The following CDC25B variants were observed in gnomAD, a reference collection of about 807,000 sequenced individuals.
The protein encoded by CDC25B is cell division cycle 25B, also known as M-phase inducer phosphatase 2.
A neutral mutation model predicts 69.8 loss-of-function variants in CDC25B; 33 were observed. The ratio of observed to expected loss-of-function variants is 0.47; its 90% CI spans 0.36 to 0.63. CDC25B has a LOEUF of 0.63. Ranked by LOEUF, CDC25B falls within the 30% of genes least tolerant of loss-of-function variation. CDC25B has a pLI of 0.00. For missense variants in CDC25B, 727 were observed against 809.1 expected, an observed-to-expected ratio of 0.90 and a Z score of 1.23; for synonymous variants, 341 against 314.6, an observed-to-expected ratio of 1.08 and a Z score of -0.89.
At position 3,796,453 on chromosome 20, in the gene CDC25B, C is replaced by T; in HGVS notation, c.-79C>T. 1.9e-6 allele frequency: 2 copies of T among 1,027,172 alleles called. No homozygotes were observed. The highest frequency in any genetic ancestry group is 2.4e-6 in the Non-Finnish European group (2 of 821,664). 63.6% of individuals were successfully genotyped at this position (1,027,172 alleles called of 1,614,324 possible). A position where few individuals can be genotyped will look rare whatever the true frequency, so the allele number is the denominator to read the frequency against. Reference sequence around the variant, plus strand: ...CCCACCCCTCGCCCGCTGCCTCCCTCGGCCCAGCCAGCTGTGCCGGCGTTT... The same window carrying T: ...CCCACCCCTCGCCCGCTGCCTCCCTTGGCCCAGCCAGCTGTGCCGGCGTTT... On this transcript the variant is annotated 5_prime_UTR_variant, in exon 1 of 16. Transcript: ENST00000245960.
In CDC25B at chr20:3,805,750, C is replaced by A; in HGVS notation, c.*789C>A. 2 of 404,154 alleles carry A rather than the reference C, an allele frequency of 4.9e-6. No homozygotes were observed. Among genetic ancestry groups the A allele is most frequent in the Non-Finnish European group, 8.8e-6 (2 of 227,846 alleles). The allele number at this position is 404,154 out of a possible 1,614,324, so 25.0% of individuals were successfully genotyped here. On this transcript the variant is annotated 3_prime_UTR_variant, in exon 16 of 16. Coordinates refer to ENST00000245960, the MANE Select transcript of CDC25B (RefSeq NM_021873.4). ...AAGCCCAGCCCCTACTGCTGTGAAC[C>A]CTGGGGCCTGACTGCTCAGAACTTG... is the stretch of plus-strand genomic sequence containing the variant.
Position 3,797,671 on chromosome 20 carries a change from C to T in CDC25B, c.250C>T (p.Arg84Cys), listed in dbSNP as rs1298017938. 8.1e-6 allele frequency: 13 copies of T among 1,614,046 alleles called. No individual in the cohort carries two copies. Among genetic ancestry groups the T allele is most frequent in the Admixed American group, 3.3e-5 (2 of 60,002 alleles). Reference protein sequence around the residue: ...VGTLLFRSRSRLTHLSLSRRA... With the variant: ...VGTLLFRSRSCLTHLSLSRRA... ...GACCCTGCTCTTCCGCAGCCGCAGCCGCCTGACGCACCTATCCCTGTCTCG... is the reference window on the plus strand; with the variant it reads ...GACCCTGCTCTTCCGCAGCCGCAGCTGCCTGACGCACCTATCCCTGTCTCG... Residue 84 changes from arginine (R) to cysteine (C), a missense_variant, in exon 2 of 16, where the codon CGC (arginine) becomes TGC (cysteine). This residue lies in a region of CDC25B where 368 missense variants were observed against 345.6 expected (regional missense o/e 1.06). Coordinates refer to ENST00000245960, the MANE Select transcript of CDC25B (RefSeq NM_021873.4).
rs375854669 is a variant in CDC25B at position 3,801,325 on chromosome 20, C to T, written c.777C>T (p.Thr259=). 2.5e-6 allele frequency: 4 copies of T among 1,613,954 alleles called. No individual in the cohort carries two copies. The African/African-American group carries it at 5.3e-5, about 22-fold the overall frequency. The part of the protein sequence containing the change: ...SPLALGRFSL[T]PAEGDTEEDD... Reference sequence around the variant, plus strand: ...TGGCCCTAGGTCGCTTCTCTCTGACCCCTGCAGAGGGGGATACTGAGGAAG... The same window carrying T: ...TGGCCCTAGGTCGCTTCTCTCTGACTCCTGCAGAGGGGGATACTGAGGAAG... The change falls in exon 8 of 16, where the codon ACC becomes ACT. Residue 259 remains threonine (T), a synonymous_variant. Transcript: ENST00000245960.
At chr20:3,798,788 T>C (rs1662433176) in intron 3 of CDC25B, among the ~76,000 whole-genome samples, 1 of 152,244 alleles carries the variant, frequency 6.6e-6, no homozygotes. Flanking sequence ...CCCGTTTTTC[T>C]TTCTTGCCTA....
chr20:3,791,247 G>A (rs1167059955), intron 1 of CDC25B, among the ~76,000 whole-genome samples: 1 of 152,164 alleles, frequency 6.6e-6, no homozygotes, highest in Admixed American at 6.6e-5. Context: ...GGATATTAGG[G>A]TCAGGGGCCA....
At chr20:3,798,627 C>A (rs2089153780) in intron 3 of CDC25B, among the ~76,000 whole-genome samples, 164 bp downstream of exon 3, 1 of 152,128 alleles carries the variant, frequency 6.6e-6, no homozygotes, top group African/African-American at 2.4e-5. Context: ...CAGGCCTTGG[C>A]ATTCTGCTCC....
At chr20:3,800,135 A>G (rs1488261591) in intron 3 of CDC25B, among the ~76,000 whole-genome samples, 153 bp from the exon 4 acceptor site, 2 of 151,894 alleles carry the variant, frequency 1.3e-5, no homozygotes, top group African/African-American at 4.8e-5. Flanking sequence ...GGGCCCCCTG[A>G]TGGTGGGCGT....
In CDC25B at chr20:3,803,283, G is replaced by T. The variant is rs2089352880; in HGVS notation, c.1356+77G>T. The T allele has an allele frequency of 6.4e-7, 1 of 1,572,132 alleles. No homozygotes were observed. The highest frequency in any genetic ancestry group is 1.7e-5 in the Admixed American group (1 of 58,854). On this transcript the variant is annotated intron_variant, in intron 13 of 15. Transcript: ENST00000245960. The surrounding 1 kb of genome is among the most constrained non-coding windows in gnomAD (Gnocchi z 4.9). ...CTTGCTTTGCCAAGAGGGTGAATGG[G>T]TGGAGGACGGGTGCCCCCTCTCATG...
At chr20:3,795,869 T>C, upstream of CDC25B, 1 of 985,284 alleles carries the variant, frequency 1.0e-6, no homozygotes, top group Non-Finnish European at 1.2e-6. Context: ...ACTTCACGCC[T>C]CAGCGTCCAG....
chr20:3,797,679 G>T lies in CDC25B; in HGVS notation c.258G>T (p.Thr86=), dbSNP rs771162983. The change falls in exon 2 of 16, where the codon ACG becomes ACT. Residue 86 remains threonine, a synonymous_variant. Transcript: ENST00000245960. Reference sequence around the variant, plus strand: ...TCTTCCGCAGCCGCAGCCGCCTGACGCACCTATCCCTGTCTCGACGGGCAT... The same window carrying T: ...TCTTCCGCAGCCGCAGCCGCCTGACTCACCTATCCCTGTCTCGACGGGCAT... ...TLLFRSRSRL[T]HLSLSRRASE... 4 of 1,613,970 alleles carry T rather than the reference G, an allele frequency of 2.5e-6. No homozygotes were observed. Among genetic ancestry groups the T allele is most frequent in the East Asian group, 2.2e-5 (1 of 44,892 alleles).
chr20:3,801,237 G>C lies in CDC25B; in HGVS notation c.706-17G>C, dbSNP rs367578735. 1.9e-6 allele frequency: 3 copies of C among 1,612,694 alleles called. No individual in the cohort carries two copies. The highest frequency in any genetic ancestry group is 2.5e-6 in the Non-Finnish European group (3 of 1,179,374). Reference sequence around the variant, plus strand: ...TATCTCCACCTCTAAGTCTGTGTCTGTCTGTCATGTGGACAGTGTCTCAGT... The same window carrying C: ...TATCTCCACCTCTAAGTCTGTGTCTCTCTGTCATGTGGACAGTGTCTCAGT... On this transcript the variant is annotated splice_polypyrimidine_tract_variant and intron_variant, in intron 7 of 15. Transcript: ENST00000245960.
intron 14 of CDC25B, 66 bp from the exon 15 acceptor site, chr20:3,804,502 AT>A: frequency 1.0e-6 from 1 of 982,352 alleles, no homozygotes. Context: ...GACGTGGGGG[AT>A]AGGTCCCATG....
chr20:3,790,125 C>A (rs2088889991), intron 1 of CDC25B, among the ~76,000 whole-genome samples: 1 of 151,780 alleles, frequency 6.6e-6, no homozygotes, highest in Non-Finnish European at 1.5e-5. Flanking sequence ...CACTGCATTA[C>A]AGCTTGGGTA....
chr20:3,790,372 T>C (rs2088893871), intron 1 of CDC25B, among the ~76,000 whole-genome samples: 1 of 150,358 alleles, frequency 6.7e-6, no homozygotes, highest in Non-Finnish European at 1.5e-5. Flanking sequence ...CAGTCCATTT[T>C]GGAATTTTTT....
At position 3,805,237 on chromosome 20, in the gene CDC25B, G is replaced by A; in HGVS notation, c.*276G>A. ...AAAGGCAGTATTTTGTGTCCTCCAG[G>A]AGCTTCTTGTTTCCTTGTTAGGGTT... On this transcript the variant is annotated 3_prime_UTR_variant, in exon 16 of 16. Transcript: ENST00000245960. The A allele has an allele frequency of 2.1e-6, 1 of 478,066 alleles. No individual in the cohort carries two copies. Among genetic ancestry groups the A allele is most frequent in the East Asian group, 3.5e-5 (1 of 28,616 alleles). The allele number at this position is 478,066 out of a possible 1,614,324, so 29.6% of individuals were successfully genotyped here.
chr20:3,803,117 C>T lies in CDC25B; in HGVS notation c.1267C>T (p.Leu423=), dbSNP rs2228464. Reference sequence around the variant, plus strand: ...CCATGACCTCCTACAGATGGTGGCCCTATTGACGGGCAAGTTCAGCAACAT... The same window carrying T: ...CCATGACCTCCTACAGATGGTGGCCTTATTGACGGGCAAGTTCAGCAACAT... The part of the protein sequence containing the change: ...KYISPETMVA[L]LTGKFSNIVD... Residue 423 remains leucine, a synonymous_variant, in exon 13 of 16, where the codon CTA becomes TTA. Transcript: ENST00000245960. The surrounding 1 kb of genome is among the most constrained non-coding windows in gnomAD (Gnocchi z 4.9). 0.066 allele frequency: 106,216 copies of T among 1,613,174 alleles called. 4,028 individuals are homozygous for T. The highest frequency in any genetic ancestry group is 0.079 in the Non-Finnish European group (92,583 of 1,179,166).
rs996411367 is a variant in CDC25B, at chr20:3,805,584, G to C, written c.*623G>C. 5 of 396,912 alleles carry C rather than the reference G, an allele frequency of 1.3e-5. No individual in the cohort carries two copies. In the South Asian group the frequency reaches 5.6e-4, roughly 45 times the overall value. The allele number at this position is 396,912 out of a possible 1,614,324, so 24.6% of individuals were successfully genotyped here. A position where few individuals can be genotyped will look rare whatever the true frequency, so the allele number is the denominator to read the frequency against. The stretch of plus-strand genomic sequence containing the variant: ...CTGTTTGACTTTACGCCCATCTCAG[G>C]ACACTTCCGTAGACTGTTTAGGTTC... On this transcript the variant is annotated 3_prime_UTR_variant, in exon 16 of 16. Transcript: ENST00000245960.
At chr20:3,802,409 G>C in intron 11 of CDC25B, 33 bp downstream of exon 11, 1 of 1,495,116 alleles carries the variant, frequency 6.7e-7, no homozygotes, top group East Asian at 2.3e-5. Flanking sequence ...TACCTTGGGG[G>C]CTTGACCTCT....
At chr20:3,795,689 C>G (rs2089010499), upstream of CDC25B, 3 of 985,194 alleles carry the variant, frequency 3.0e-6, no homozygotes, top group South Asian at 4.7e-5. Flanking sequence ...CTTGGGGGCC[C>G]CACTGCCCTC....
Sources: gnomAD v4.1 joint callset for allele counts (sites outside exome capture counted in the v4.1 genomes callset) on GRCh38, gnomAD v4.1.1 for gene constraint, gnomAD v4.1.1 regional missense constraint, Gnocchi (gnomAD v3.1) non-coding constraint, MANE v1.5 for transcripts, NCBI Gene and HGNC (gene_info 2026-07-23, HGNC 2026-07-21) for gene names.